The following ASTN1 variants were observed in gnomAD, a reference collection of about 807,000 sequenced individuals.
The protein encoded by ASTN1 is astrotactin-1.
ASTN1 carries 41 observed loss-of-function variants against 140.7 expected under a neutral mutation model. The ratio of observed to expected loss-of-function variants is 0.29; its 90% CI spans 0.23 to 0.38. The LOEUF is 0.38. ASTN1 is among the 10% of genes least tolerant of loss of function. The pLI is 1.00. For synonymous variants in ASTN1, 640 were observed against 652.2 expected, an observed-to-expected ratio of 0.98 and a Z score of 0.29; for missense variants, 1,479 against 1,678.8, an observed-to-expected ratio of 0.88 and a Z score of 2.08.
At chr1:176,918,183 T>C (rs1670570920) in intron 16 of ASTN1, among the ~76,000 whole-genome samples, 1 of 152,086 alleles carries the variant, frequency 6.6e-6, no homozygotes, top group South Asian at 2.1e-4. Context: ...CCCCAACCTT[T>C]CCTCTGTCTT....
At chr1:176,970,731 G>GGTGTGTGTGT (rs10642697) in intron 8 of ASTN1, among the ~76,000 whole-genome samples, 23 of 147,244 alleles carry the variant, frequency 1.6e-4, no homozygotes, top group African/African-American at 4.5e-4. Context: ...TGTGGGTATG[G>GGTGTGTGTGT]GTGTGTGTGT....
intron 2 of ASTN1, among the ~76,000 whole-genome samples, chr1:177,056,832 A>G (rs1238467009): frequency 6.6e-6 from 1 of 152,186 alleles, no homozygotes; most frequent in East Asian, 1.9e-4. Flanking sequence ...ACAGAGTCTG[A>G]ATATCTGACA....
intron 8 of ASTN1, among the ~76,000 whole-genome samples, chr1:176,972,218 G>T (rs1000391659): frequency 1.3e-5 from 2 of 152,178 alleles, no homozygotes; most frequent in Non-Finnish European, 2.9e-5. Context: ...ATGTCATTAT[G>T]TGGTACATGA....
chr1:177,080,506 G>A (rs1349412864), intron 1 of ASTN1, among the ~76,000 whole-genome samples: 1 of 152,128 alleles, frequency 6.6e-6, no homozygotes, highest in African/African-American at 2.4e-5. Flanking sequence ...ACTCTTTTCT[G>A]TTAACTGATA....
intron 1 of ASTN1, among the ~76,000 whole-genome samples, chr1:177,129,384 AG>A (rs1681830715): frequency 6.6e-6 from 1 of 152,174 alleles, no homozygotes; most frequent in African/African-American, 2.4e-5. Flanking sequence ...GTGAAGAAAT[AG>A]GCAGCTTGTA....
intron 8 of ASTN1, 69 bp downstream of exon 8, chr1:177,014,722 C>T (rs1675455896): frequency 1.4e-6 from 2 of 1,432,730 alleles, no homozygotes; most frequent in Middle Eastern, 1.8e-4. Flanking sequence ...CATGCAGTTG[C>T]TCCACGTCAT....
At chr1:177,027,293 G>C (rs1263475312) in intron 5 of ASTN1, among the ~76,000 whole-genome samples, 1 of 152,076 alleles carries the variant, frequency 6.6e-6, no homozygotes, top group African/African-American at 2.4e-5. Flanking sequence ...GATAAGAGCT[G>C]TTAGAGCTCT....
At chr1:177,058,987 C>A (rs937567379) in intron 2 of ASTN1, among the ~76,000 whole-genome samples, 6 of 152,066 alleles carry the variant, frequency 3.9e-5, no homozygotes, top group African/African-American at 1.4e-4. Flanking sequence ...CGCACTATGC[C>A]CCCAGCCCTC....
intron 1 of ASTN1, among the ~76,000 whole-genome samples, chr1:177,100,981 T>C (rs1039775486): frequency 1.3e-5 from 2 of 152,054 alleles, no homozygotes; most frequent in African/African-American, 2.4e-5. Context: ...TAATCCCCTC[T>C]ACTGGGGAGG....
intron 9 of ASTN1, among the ~76,000 whole-genome samples, chr1:176,962,207 G>A (rs373090433): frequency 2.0e-5 from 3 of 152,334 alleles, no homozygotes; most frequent in South Asian, 4.1e-4. Flanking sequence ...TAGTGGAAAG[G>A]AGTGATCCTA....
At chr1:176,942,866 A>ATATATATATATATAT (rs1385017638) in intron 14 of ASTN1, among the ~76,000 whole-genome samples, 52 of 69,950 alleles carry the variant, frequency 7.4e-4, no homozygotes, top group Non-Finnish European at 9.4e-4. Context: ...ATATATATAT[A>ATATATATATATATAT]GATTGATGTC....
intron 1 of ASTN1, among the ~76,000 whole-genome samples, chr1:177,115,662 A>G (rs1216506112): frequency 6.7e-6 from 1 of 149,698 alleles, no homozygotes; most frequent in Non-Finnish European, 1.5e-5. Context: ...GTCAAAATAA[A>G]TAAATAAATA....
intron 1 of ASTN1, among the ~76,000 whole-genome samples, chr1:177,158,047 T>C (rs1558137693): frequency 6.6e-6 from 1 of 152,184 alleles, no homozygotes; most frequent in Non-Finnish European, 1.5e-5. Flanking sequence ...CAACAAATAT[T>C]CTCATGTATA....
intron 8 of ASTN1, among the ~76,000 whole-genome samples, chr1:176,967,427 G>A (rs576562522): frequency 5.3e-4 from 81 of 152,136 alleles, no homozygotes; most frequent in African/African-American, 1.9e-3. Context: ...CCTAGAAAGG[G>A]CAGTAAAAAA....
At chr1:177,094,847 G>T (rs183694977) in intron 1 of ASTN1, among the ~76,000 whole-genome samples, 6 of 152,328 alleles carry the variant, frequency 3.9e-5, no homozygotes, top group Non-Finnish European at 7.3e-5. Context: ...GGGCTCAGAA[G>T]AGGTGAGTGG....
chr1:176,885,082 AT>A (rs1316510388), intron 18 of ASTN1, among the ~76,000 whole-genome samples: 2 of 152,282 alleles, frequency 1.3e-5, no homozygotes, highest in East Asian at 3.9e-4. Flanking sequence ...TGGAAGTAAT[AT>A]TCATAGGGGG....
At chr1:176,920,240 G>A (rs1286961510) in intron 16 of ASTN1, among the ~76,000 whole-genome samples, 2 of 152,126 alleles carry the variant, frequency 1.3e-5, no homozygotes, top group African/African-American at 4.8e-5. Context: ...GGCTTTAGGA[G>A]GAGATAAGGG....
chr1:176,922,239 A>G (rs1422836162), intron 16 of ASTN1, among the ~76,000 whole-genome samples: 1 of 152,164 alleles, frequency 6.6e-6, no homozygotes, highest in Non-Finnish European at 1.5e-5. Context: ...TTGTTAATGG[A>G]GCCAGAGTCC....
At position 176,887,633 on chromosome 1, in the gene ASTN1, C is replaced by T. The variant is rs1401850424; in HGVS notation, c.3074+438G>A. On this transcript the variant is annotated intron_variant, in intron 18 of 22. Transcript: ENST00000361833. ...ATGAGCAGTATCTAACTGCTCCATACAATGCCTGGCACCCAGTAAGTGTTC... is the reference window on the plus strand; with the variant it reads ...ATGAGCAGTATCTAACTGCTCCATATAATGCCTGGCACCCAGTAAGTGTTC... 3.9e-5 allele frequency among the ~76,000 whole-genome samples: 6 copies of T among 152,158 alleles called. No individual in the cohort carries two copies. The East Asian group carries it at 1.2e-3, about 29-fold the overall frequency.
Sources: gnomAD v4.1 joint callset for allele counts (sites outside exome capture counted in the v4.1 genomes callset) on GRCh38, gnomAD v4.1.1 for gene constraint, MANE v1.5 for transcripts, NCBI Gene and HGNC (gene_info 2026-07-23, HGNC 2026-07-21) for gene names.